Variants in IRAG1 observed in about 807,000 individuals in gnomAD.
The protein encoded by IRAG1 is inositol 1,4,5-triphosphate receptor associated 1, also known as IP3R-associated cGMP kinase substrate.
IRAG1 carries 62 observed loss-of-function variants against 106.2 expected under a neutral mutation model. That is an observed-to-expected ratio of 0.58 (90% CI 0.48 to 0.72). IRAG1 has a LOEUF of 0.72. IRAG1 is among the 30% of genes least tolerant of loss of function. The pLI, the probability that IRAG1 is intolerant of heterozygous loss-of-function variation, is 0.00. For missense variants in IRAG1, 1,064 were observed against 1,140.7 expected (o/e 0.93, Z 0.97); for synonymous variants, 462 against 443.9 (o/e 1.04, Z -0.51).
At chr11:10,648,954 G>A (rs139934858) in intron 2 of IRAG1, among the ~76,000 whole-genome samples, 3 of 152,186 alleles carry the variant, frequency 2.0e-5, no homozygotes, top group Admixed American at 2.0e-4. Flanking sequence ...CACAACTAGG[G>A]CTGGACCCCG....
At chr11:10,641,716 CAT>C (rs1857524834) in intron 2 of IRAG1, among the ~76,000 whole-genome samples, 1 of 152,186 alleles carries the variant, frequency 6.6e-6, no homozygotes, top group Admixed American at 6.5e-5. Flanking sequence ...CTCCCAAACT[CAT>C]AGAATTGTGA....
intron 2 of IRAG1, among the ~76,000 whole-genome samples, chr11:10,645,576 G>T (rs1857875576): frequency 6.6e-6 from 1 of 152,220 alleles, no homozygotes; most frequent in South Asian, 2.1e-4. Context: ...GACTCTCTCT[G>T]CTCTGTCTAC....
At chr11:10,668,188 T>C (rs1367972978) in intron 1 of IRAG1, among the ~76,000 whole-genome samples, 2 of 152,194 alleles carry the variant, frequency 1.3e-5, no homozygotes, top group East Asian at 3.8e-4. Context: ...CCCCATTTCC[T>C]TTTAGCATTT....
At chr11:10,677,029 G>A (rs1413473184) in intron 1 of IRAG1, among the ~76,000 whole-genome samples, 1 of 152,180 alleles carries the variant, frequency 6.6e-6, no homozygotes, top group African/African-American at 2.4e-5. Flanking sequence ...ACTGCCTGGA[G>A]ATCATGTCCC....
intron 1 of IRAG1, among the ~76,000 whole-genome samples, chr11:10,658,073 C>A (rs1859066252): frequency 6.6e-6 from 1 of 152,238 alleles, no homozygotes; most frequent in Non-Finnish European, 1.5e-5. Context: ...TGTTCTTGCT[C>A]TCATGCTCTC....
At position 10,626,129 on chromosome 11, in the gene IRAG1, G is replaced by A; in HGVS notation, c.1205C>T (p.Pro402Leu). 1 of 1,539,852 alleles carries A rather than the reference G, an allele frequency of 6.5e-7. No homozygotes were observed. Among genetic ancestry groups the A allele is most frequent in the Non-Finnish European group, 8.8e-7 (1 of 1,142,734 alleles). Residue 402 changes from proline (P) to leucine (L), a missense_variant, in exon 9 of 21, where the codon CCT becomes CTT. Pro to Leu is a moderately conservative substitution (Grantham distance 98, BLOSUM62 -3). Coordinates refer to ENST00000423302, the MANE Select transcript of IRAG1 (RefSeq NM_130385.4). The stretch of plus-strand genomic sequence containing the variant: ...AAGCACTTTCTGCAGCCGGGGGCCA[G>A]GTTCTTCAGGGCCACTGTCCCAGGA... ...GLSWDSGPEEPGPRLQKVLAK... is the reference protein window; with the variant it reads ...GLSWDSGPEELGPRLQKVLAK...
chr11:10,681,458 G>A (rs1861253285), intron 1 of IRAG1, among the ~76,000 whole-genome samples: 2 of 152,190 alleles, frequency 1.3e-5, no homozygotes, highest in Admixed American at 6.5e-5. Flanking sequence ...GAATGGGATT[G>A]TAGAAAATAA....
intron 10 of IRAG1, among the ~76,000 whole-genome samples, chr11:10,615,699 G>T (rs1020352627): frequency 3.3e-5 from 5 of 151,794 alleles, no homozygotes; most frequent in East Asian, 2.0e-4. Context: ...ACCAAACACC[G>T]CATGTTCTCA....
intron 4 of IRAG1, among the ~76,000 whole-genome samples, chr11:10,631,426 T>C (rs1009753966): frequency 6.6e-6 from 1 of 152,176 alleles, no homozygotes; most frequent in Non-Finnish European, 1.5e-5. Context: ...TAAAACTTCC[T>C]CTCCTCAGAG....
intron 10 of IRAG1, among the ~76,000 whole-genome samples, chr11:10,623,061 G>A (rs1174131276): frequency 6.6e-6 from 1 of 152,200 alleles, no homozygotes; most frequent in Non-Finnish European, 1.5e-5. Flanking sequence ...GGTTTTACAT[G>A]CCCAGGGAGG....
chr11:10,626,179 G>T lies in IRAG1; in HGVS notation c.1155C>A (p.Ser385=). 2 of 1,555,884 alleles carry T rather than the reference G, an allele frequency of 1.3e-6. No homozygotes were observed. The highest frequency in any genetic ancestry group is 1.7e-6 in the Non-Finnish European group (2 of 1,149,648). Residue 385 remains serine, a synonymous_variant, in exon 9 of 21, where the codon TCC becomes TCA. Transcript: ENST00000423302. ...AGAGCCCTCGCAGCAGCGGGGGCCG[G>T]GACACAGTGGGTGGAAGCTCAGCTT... ...GSKAELPPTV[S]RPPLLRGLSW...
Position 10,627,697 on chromosome 11 carries a change from G to T in IRAG1, c.750+19C>A. On this transcript the variant is annotated intron_variant, in intron 8 of 20. Coordinates refer to ENST00000423302, the MANE Select transcript of IRAG1 (RefSeq NM_130385.4). ...CCCCCACACTCAAATCATCCAAAGGGAGCAAAGCTCAAACTCACAGGCTCG... is the reference window on the plus strand; with the variant it reads ...CCCCCACACTCAAATCATCCAAAGGTAGCAAAGCTCAAACTCACAGGCTCG... 1 of 1,613,908 alleles carries T rather than the reference G, an allele frequency of 6.2e-7. No individual in the cohort carries two copies. The highest frequency in any genetic ancestry group is 8.5e-7 in the Non-Finnish European group (1 of 1,179,868).
intron 1 of IRAG1, among the ~76,000 whole-genome samples, chr11:10,662,816 A>G (rs1859501119): frequency 6.6e-6 from 1 of 152,240 alleles, no homozygotes; most frequent in Non-Finnish European, 1.5e-5. Flanking sequence ...CTCTGGTATT[A>G]GGGGTCCTGG....
At chr11:10,594,068 T>C (rs1852985361) in intron 16 of IRAG1, 78 bp downstream of exon 16, 2 of 1,335,702 alleles carry the variant, frequency 1.5e-6, no homozygotes, top group Non-Finnish European at 1.0e-6. Context: ...GATCCCAGAA[T>C]GAATGATTGT....
At chr11:10,658,024 T>C (rs1352169494) in intron 1 of IRAG1, among the ~76,000 whole-genome samples, 1 of 152,260 alleles carries the variant, frequency 6.6e-6, no homozygotes, top group South Asian at 2.1e-4. Context: ...ATTGTGTCTG[T>C]GCTGTGAAAG....
At chr11:10,645,758 AT>A (rs575939806) in intron 2 of IRAG1, among the ~76,000 whole-genome samples, 78 of 152,342 alleles carry the variant, frequency 5.1e-4, no homozygotes, top group Non-Finnish European at 8.8e-4. Context: ...CTGGGTTTGA[AT>A]TTAGCCTCAA....
rs757160140 is a variant in IRAG1, at chr11:10,628,115, C to T, written c.653-90G>A. On this transcript the variant is annotated intron_variant, in intron 6 of 20. Transcript: ENST00000423302. The surrounding 1 kb of genome is among the most constrained non-coding windows in gnomAD (Gnocchi z 4.1). ...CACATCTCCCTCCCCGGGCTATCCT[C>T]CCTTTGCAATCTCAGGCCTGGAAGA... 2.1e-5 allele frequency: 29 copies of T among 1,408,810 alleles called. No homozygotes were observed. The highest frequency in any genetic ancestry group is 9.4e-5 in the Admixed American group (5 of 53,066). The allele number at this position is 1,408,810 out of a possible 1,614,324, so 87.3% of individuals were successfully genotyped here. A position where few individuals can be genotyped will look rare whatever the true frequency, so the allele number is the denominator to read the frequency against.
At chr11:10,632,127 G>T in intron 3 of IRAG1, 66 bp from the exon 4 acceptor site, 1 of 1,027,288 alleles carries the variant, frequency 9.7e-7, no homozygotes, top group Non-Finnish European at 1.5e-6. Context: ...GTGAAAAGAT[G>T]CCTGTATATT....
chr11:10,662,637 G>C lies in IRAG1; in HGVS notation c.68-10455C>G, dbSNP rs891172843. On this transcript the variant is annotated intron_variant, in intron 1 of 20. Coordinates refer to ENST00000423302, the MANE Select transcript of IRAG1 (RefSeq NM_130385.4). The stretch of plus-strand genomic sequence containing the variant: ...GCTGACCAAAGCATTTCCTCAAACA[G>C]TTGGTTATGTGTGTTCAAATGCGGC... Among the ~76,000 whole-genome samples, 135 of 152,206 alleles carry C rather than the reference G, an allele frequency of 8.9e-4. 1 individual carries two copies. Among genetic ancestry groups the C allele is most frequent in the Non-Finnish European group, 1.3e-4 (9 of 68,044 alleles).
Sources: allele counts gnomAD v4.1 joint callset (sites outside exome capture counted in the v4.1 genomes callset), GRCh38; gene constraint gnomAD v4.1.1; non-coding constraint Gnocchi (gnomAD v3.1); transcripts MANE v1.5; gene names NCBI Gene and HGNC (gene_info 2026-07-23, HGNC 2026-07-21).